The following INVS variants were observed in gnomAD, a reference collection of about 807,000 sequenced individuals.
The protein encoded by INVS is inversin.
Under a neutral mutation model 108.8 loss-of-function variants are expected in INVS, and 86 were observed. The observed-to-expected ratio is 0.79, with a 90% CI of 0.66 to 0.95. The LOEUF is 0.95. Among genes scored for constraint, INVS ranks in the 40% least tolerant of loss-of-function variants. The probability of loss-of-function intolerance (pLI) is 0.00; values close to 1 mark genes in which losing one functional copy is unlikely to be tolerated. For missense variants in INVS, 1,169 were observed against 1,297.4 expected, an observed-to-expected ratio of 0.90 and a Z score of 1.52; for synonymous variants, 455 against 473.5, an observed-to-expected ratio of 0.96 and a Z score of 0.51.
intron 8 of INVS, among the ~76,000 whole-genome samples, chr9:100,247,084 TA>T (rs76599950): frequency 1.5e-3 from 210 of 141,504 alleles, no homozygotes; most frequent in Admixed American, 1.9e-3. Context: ...TATCTTTTTG[TA>T]AAAAAAAAAA....
chr9:100,117,483 G>C, intron 2 of INVS: 2 of 784,704 alleles, frequency 2.5e-6, no homozygotes, highest in Non-Finnish European at 2.2e-6. Flanking sequence ...TTGCCTTCTC[G>C]AGCTCCACGG....
In INVS at chr9:100,292,978, A is replaced by G. The variant is rs1174675156; in HGVS notation, c.2721A>G (p.Arg907=). 1.9e-6 allele frequency: 3 copies of G among 1,613,548 alleles called. No individual in the cohort carries two copies. Among genetic ancestry groups the G allele is most frequent in the African/African-American group, 1.3e-5 (1 of 74,900 alleles). ...GACTGCAGATAATTCAGAGAGAACG[A>G]AGGAGGAAGGAGCTGTTTCGCAAAA... The part of the protein sequence containing the change: ...ELRLQIIQRE[R]RRKELFRKKN... Residue 907 remains arginine (R), a synonymous_variant, in exon 14 of 17, where the codon CGA becomes CGG. Coordinates refer to ENST00000262457, the MANE Select transcript of INVS (RefSeq NM_014425.5).
In INVS at chr9:100,256,857, A is replaced by G. The variant is rs570571717; in HGVS notation, c.1464+3721A>G. On this transcript the variant is annotated intron_variant, in intron 10 of 16. Transcript: ENST00000262457. ...TGTTGTCAATTTTGGAATAAGTGCA[A>G]TGTGGTACTGAGAAGAATGTATATT... Among the ~76,000 whole-genome samples the G allele has an allele frequency of 4.7e-4, 71 of 152,286 alleles. No homozygotes were observed. In the South Asian group the frequency reaches 0.013, roughly 28 times the overall value.
chr9:100,189,782 G>T (rs1830168632), intron 3 of INVS, among the ~76,000 whole-genome samples: 1 of 151,684 alleles, frequency 6.6e-6, no homozygotes, highest in African/African-American at 2.4e-5. Flanking sequence ...ATAGACGGGG[G>T]TCTTGCCATG....
At position 100,246,748 on chromosome 9, in the gene INVS, G is replaced by T. The variant is rs1216817008; in HGVS notation, c.1039G>T (p.Asp347Tyr). ...VLRTMLSLKSDIDINMADKYG... is the reference protein window; with the variant it reads ...VLRTMLSLKSYIDINMADKYG... The stretch of plus-strand genomic sequence containing the variant: ...TAGAACTATGCTGAGCTTAAAATCG[G>T]ACATAGATATTAACATGGCTGACAA... The change falls in exon 8 of 17, where the codon GAC becomes TAC. Residue 347 changes from aspartate (D) to tyrosine (Y), a missense_variant. This residue lies in a region of INVS where 271 missense variants were observed against 363.8 expected (regional missense o/e 0.74). Transcript: ENST00000262457. 6.2e-7 allele frequency: 1 copy of T among 1,613,994 alleles called. No individual in the cohort carries two copies. Among genetic ancestry groups the T allele is most frequent in the Non-Finnish European group, 8.5e-7 (1 of 1,179,922 alleles).
chr9:100,285,632 G>A (rs183578029), intron 13 of INVS, among the ~76,000 whole-genome samples: 2 of 152,308 alleles, frequency 1.3e-5, no homozygotes, highest in African/African-American at 2.4e-5. Flanking sequence ...AATTAGGCAC[G>A]AGCTTCCAAC....
At chr9:100,255,775 T>C (rs1376893879) in intron 10 of INVS, among the ~76,000 whole-genome samples, 2 of 152,216 alleles carry the variant, frequency 1.3e-5, no homozygotes, top group Non-Finnish European at 2.9e-5. Flanking sequence ...CACTTGATCA[T>C]GGTGGATAAG....
rs193255647 is a variant in INVS at position 100,271,907 on chromosome 9, C to T, written c.1572-957C>T. ...TTTTGGAGACGGTGTCTCACTCTGT[C>T]ACCCAGTCTGGAGTGCAGTGGCATG... On this transcript the variant is annotated intron_variant, in intron 11 of 16. Transcript: ENST00000262457. Among the ~76,000 whole-genome samples the T allele has an allele frequency of 5.2e-3, 789 of 150,882 alleles. 5 individuals are homozygous for T. Among genetic ancestry groups the T allele is most frequent in the African/African-American group, 0.018 (759 of 41,042 alleles).
At chr9:100,297,835 A>G in intron 15 of INVS, 101 bp from the exon 16 acceptor site, 2 of 1,175,416 alleles carry the variant, frequency 1.7e-6, no homozygotes, top group South Asian at 2.5e-5. Context: ...CTTGACACAC[A>G]CCTGCAAGCT....
At chr9:100,240,726 T>C (rs886407783) in intron 6 of INVS, among the ~76,000 whole-genome samples, 4 of 152,272 alleles carry the variant, frequency 2.6e-5, no homozygotes, top group Admixed American at 2.6e-4. Flanking sequence ...TGAGAGTCTT[T>C]CTCTTTCAAT....
At chr9:100,133,698 A>T (rs1192618270) in intron 3 of INVS, among the ~76,000 whole-genome samples, 3 of 150,150 alleles carry the variant, frequency 2.0e-5, no homozygotes, top group Non-Finnish European at 3.0e-5. Flanking sequence ...GCTCCCCAAC[A>T]TTTTTGTTGA....
chr9:100,180,104 A>T (rs1829838170), intron 3 of INVS, among the ~76,000 whole-genome samples: 1 of 152,200 alleles, frequency 6.6e-6, no homozygotes, highest in Admixed American at 6.5e-5. Flanking sequence ...GAGCAAAGAC[A>T]CAACGTGCTA....
intron 2 of INVS, 35 bp downstream of exon 2, chr9:100,104,662 G>C (rs139512645): frequency 7.2e-7 from 1 of 1,395,634 alleles, no homozygotes; most frequent in African/African-American, 1.4e-5. Flanking sequence ...AACTTTAAAA[G>C]CAACTGTTTG....
chr9:100,188,980 C>T (rs1408181599), intron 3 of INVS, among the ~76,000 whole-genome samples: 1 of 151,942 alleles, frequency 6.6e-6, no homozygotes, highest in Non-Finnish European at 1.5e-5. Flanking sequence ...ACTTTGTGTG[C>T]ATAGAGGTGT....
intron 3 of INVS, among the ~76,000 whole-genome samples, chr9:100,208,232 A>G (rs1432224399): frequency 1.3e-5 from 2 of 152,222 alleles, no homozygotes; most frequent in Non-Finnish European, 2.9e-5. Context: ...AATTTTTTAA[A>G]GATGGCTAAA....
At chr9:100,157,890 C>T (rs1322586907) in intron 3 of INVS, among the ~76,000 whole-genome samples, 1 of 152,158 alleles carries the variant, frequency 6.6e-6, no homozygotes, top group African/African-American at 2.4e-5. Context: ...CAACAAAATG[C>T]TACCTTTTCT....
chr9:100,191,302 C>T (rs889275608), intron 3 of INVS, among the ~76,000 whole-genome samples: 19 of 152,280 alleles, frequency 1.2e-4, no homozygotes, highest in Admixed American at 1.2e-3. Context: ...TCTTCTCCCT[C>T]AGGAACACTA....
intron 3 of INVS, among the ~76,000 whole-genome samples, chr9:100,189,106 CTTTTTTTT>C (rs60762136): frequency 1.4e-5 from 1 of 69,564 alleles, no homozygotes; most frequent in Non-Finnish European, 2.7e-5. Context: ...TTTGCATCTT[CTTTTTTTT>C]TTTTTTTTTT....
chr9:100,250,947 AAACATACACAGTCGTTCCTGTCCTG>A (rs979949548), intron 8 of INVS, among the ~76,000 whole-genome samples: 3 of 152,110 alleles, frequency 2.0e-5, no homozygotes, highest in African/African-American at 7.2e-5. Flanking sequence ...TTCCTTCCTT[AAACATACACAGTCGTTCCTGTCCTG>A]TACTAACTCT....
Sources: allele counts gnomAD v4.1 joint callset (sites outside exome capture counted in the v4.1 genomes callset), GRCh38; gene constraint gnomAD v4.1.1; regional missense constraint gnomAD v4.1.1; transcripts MANE v1.5; gene names NCBI Gene and HGNC (gene_info 2026-07-23, HGNC 2026-07-21).